The following FAM227B variants were observed in gnomAD, a reference collection of about 807,000 sequenced individuals.
FAM227B encodes the protein family with sequence similarity 227 member B, also known as protein FAM227B.
Under a neutral mutation model 73.8 loss-of-function variants are expected in FAM227B, and 88 were observed. The observed-to-expected ratio is 1.19, with a 90% confidence interval of 1.00 to 1.42. The LOEUF is 1.42. Ranked by LOEUF, FAM227B falls within the 40% of genes most tolerant of loss-of-function variation. The pLI, the probability that FAM227B is intolerant of heterozygous loss-of-function variation, is 0.00. For missense variants in FAM227B, 632 were observed against 590.9 expected (o/e 1.07, Z -0.72); for synonymous variants, 210 against 190.5 (o/e 1.10, Z -0.84).
chr15:49,598,433 G>C (rs1598463794), intron 3 of FAM227B, among the ~76,000 whole-genome samples: 1 of 151,916 alleles, frequency 6.6e-6, no homozygotes, highest in East Asian at 1.9e-4. Context: ...TTTCCTATTT[G>C]GATGGTTTGT....
At chr15:49,378,303 GTTCT>G (rs2046301246) in intron 11 of FAM227B, among the ~76,000 whole-genome samples, 1 of 150,654 alleles carries the variant, frequency 6.6e-6, no homozygotes, top group South Asian at 2.1e-4. Flanking sequence ...TTTTCTTGGT[GTTCT>G]TTTAGGATTT....
intron 9 of FAM227B, among the ~76,000 whole-genome samples, chr15:49,567,896 T>G (rs1175523593): frequency 6.6e-6 from 1 of 151,928 alleles, no homozygotes; most frequent in African/African-American, 2.4e-5. Context: ...TCCGCTTAAG[T>G]GGATCAAGAT....
At chr15:49,497,110 T>C (rs945895732) in intron 11 of FAM227B, among the ~76,000 whole-genome samples, 4 of 152,162 alleles carry the variant, frequency 2.6e-5, no homozygotes, top group Non-Finnish European at 5.9e-5. Context: ...AAAAGGGGAA[T>C]ATAGAAATAT....
At chr15:49,442,198 G>T (rs1349572424) in intron 11 of FAM227B, among the ~76,000 whole-genome samples, 1 of 151,440 alleles carries the variant, frequency 6.6e-6, no homozygotes, top group Non-Finnish European at 1.5e-5. Flanking sequence ...CTAATGGAAA[G>T]ATTCTATTCT....
chr15:49,605,554 G>T (rs76991294), intron 3 of FAM227B, among the ~76,000 whole-genome samples: 331 of 151,984 alleles, frequency 2.2e-3, no homozygotes, highest in African/African-American at 7.5e-3. Context: ...TGTTTTGGGG[G>T]ATATCCTGGT....
chr15:49,573,165 T>C (rs1742969702), intron 8 of FAM227B, among the ~76,000 whole-genome samples: 1 of 152,156 alleles, frequency 6.6e-6, no homozygotes, highest in African/African-American at 2.4e-5. Flanking sequence ...TAATTTTTGA[T>C]TTCCTTATTG....
chr15:49,390,124 A>G (rs961188309), intron 11 of FAM227B, among the ~76,000 whole-genome samples: 2 of 152,060 alleles, frequency 1.3e-5, no homozygotes, highest in African/African-American at 4.8e-5. Flanking sequence ...AATGAAATGA[A>G]GAAATTTGAG....
intron 11 of FAM227B, among the ~76,000 whole-genome samples, chr15:49,494,302 A>G (rs1298525433): frequency 6.8e-6 from 1 of 148,064 alleles, no homozygotes; most frequent in Non-Finnish European, 1.5e-5. Context: ...CTAAACATAG[A>G]GTCAGCAATA....
At chr15:49,605,685 G>C (rs974720246) in intron 3 of FAM227B, among the ~76,000 whole-genome samples, 1 of 151,948 alleles carries the variant, frequency 6.6e-6, no homozygotes, top group African/African-American at 2.4e-5. Flanking sequence ...GTACACTGGA[G>C]TGGACCTGAA....
In FAM227B at chr15:49,366,499, A is replaced by G. The variant is rs1020001438; in HGVS notation, c.1271+949T>C. 3.2e-6 allele frequency: 4 copies of G among 1,252,738 alleles called. No homozygotes were observed. The African/African-American group carries it at 5.9e-5, about 18-fold the overall frequency. The allele number at this position is 1,252,738 out of a possible 1,614,324, so 77.6% of individuals were successfully genotyped here. ...GTGCGGAAGTCAGATTCATCAAACT[A>G]ATGGAAGTTGCATTTTCTAGGGTAC... On this transcript the variant is annotated intron_variant, in intron 13 of 15. Coordinates refer to ENST00000299338, the MANE Select transcript of FAM227B (RefSeq NM_152647.3).
At chr15:49,479,212 C>A (rs371854620) in intron 11 of FAM227B, among the ~76,000 whole-genome samples, 21 of 151,868 alleles carry the variant, frequency 1.4e-4, no homozygotes, top group Admixed American at 9.9e-4. Flanking sequence ...GACATATTGC[C>A]TGGTTTTTCA....
At chr15:49,550,766 C>T (rs1224216285) in intron 9 of FAM227B, among the ~76,000 whole-genome samples, 5 of 151,338 alleles carry the variant, frequency 3.3e-5, no homozygotes, top group East Asian at 3.9e-4. Flanking sequence ...GATGGGATGG[C>T]GGCCGGGCAG....
intron 11 of FAM227B, among the ~76,000 whole-genome samples, chr15:49,471,078 C>T (rs1175415650): frequency 1.3e-5 from 2 of 152,224 alleles, no homozygotes; most frequent in East Asian, 1.9e-4. Flanking sequence ...TTCTATGCTA[C>T]AGCTTATTAG....
chr15:49,535,474 G>A (rs1216458570), intron 10 of FAM227B, among the ~76,000 whole-genome samples: 5 of 151,638 alleles, frequency 3.3e-5, no homozygotes, highest in Non-Finnish European at 7.4e-5. Context: ...TGGCTTTATG[G>A]GTGAATTCCA....
At chr15:49,416,768 C>T (rs1348158957) in intron 11 of FAM227B, among the ~76,000 whole-genome samples, 1 of 100,212 alleles carries the variant, frequency 1.0e-5, no homozygotes, top group Non-Finnish European at 2.1e-5. Context: ...GCCACACACA[C>T]ATAGACACAC....
chr15:49,493,633 G>A (rs2057316215), intron 11 of FAM227B, among the ~76,000 whole-genome samples: 1 of 151,674 alleles, frequency 6.6e-6, no homozygotes, highest in Non-Finnish European at 1.5e-5. Context: ...CATTAATCTA[G>A]CATTTAGAGA....
At chr15:49,528,991 G>A (rs915381785) in intron 10 of FAM227B, among the ~76,000 whole-genome samples, 9 of 151,452 alleles carry the variant, frequency 5.9e-5, no homozygotes, top group Non-Finnish European at 1.0e-4. Flanking sequence ...CCAAAGGAAA[G>A]CAAATCACTA....
chr15:49,482,042 T>C (rs981251706), intron 11 of FAM227B, among the ~76,000 whole-genome samples: 3 of 152,146 alleles, frequency 2.0e-5, no homozygotes, highest in Non-Finnish European at 2.9e-5. Flanking sequence ...TTTCTTTAAG[T>C]CAATATTTTA....
At chr15:49,428,711 A>T (rs1373480107) in intron 11 of FAM227B, among the ~76,000 whole-genome samples, 1 of 151,986 alleles carries the variant, frequency 6.6e-6, no homozygotes, top group African/African-American at 2.4e-5. Context: ...AATTACTAAA[A>T]AGTTGTGCTC....
Sources: allele counts gnomAD v4.1 joint callset (sites outside exome capture counted in the v4.1 genomes callset), GRCh38; gene constraint gnomAD v4.1.1; transcripts MANE v1.5; gene names NCBI Gene and HGNC (gene_info 2026-07-23, HGNC 2026-07-21).